Variants in KATNIP observed in about 807,000 individuals in gnomAD.
The protein encoded by KATNIP is katanin-interacting protein.
A neutral mutation model predicts 174.0 loss-of-function variants in KATNIP; 126 were observed. The observed-to-expected ratio is 0.72, with a 90% CI of 0.63 to 0.84. The LOEUF is 0.84. Among genes scored for constraint, KATNIP ranks in the 40% least tolerant of loss-of-function variants. The pLI, the probability that KATNIP is intolerant of heterozygous loss-of-function variation, is 0.00. For missense variants in KATNIP, 1,958 were observed against 2,109.7 expected (o/e 0.93, Z 1.41); for synonymous variants, 810 against 835.7 (o/e 0.97, Z 0.53).
In KATNIP at chr16:27,704,012, C is replaced by T; in HGVS notation, c.1389+14C>T. On this transcript the variant is annotated intron_variant, in intron 12 of 27. Transcript: ENST00000261588. ...TCAGACACAGAGGTGAGAGCCTTGA[C>T]TTGATTTTCAGTTGTACATTCAGGA... 6.2e-7 allele frequency: 1 copy of T among 1,603,258 alleles called. No homozygotes were observed. Among genetic ancestry groups the T allele is most frequent in the African/African-American group, 1.3e-5 (1 of 74,808 alleles).
intron 2 of KATNIP, among the ~76,000 whole-genome samples, chr16:27,589,070 ATTTT>A (rs755208446): frequency 7.9e-6 from 1 of 126,782 alleles, no homozygotes. Context: ...TAATTTTTGT[ATTTT>A]TTTTTTTTTT....
At chr16:27,679,224 A>G (rs527541950) in intron 7 of KATNIP, 11 of 152,372 alleles carry the variant, frequency 7.2e-5, no homozygotes, top group African/African-American at 2.6e-4. Context: ...GCCTGAGATC[A>G]AGAGTCAGTT....
intron 9 of KATNIP, 59 bp downstream of exon 9, chr16:27,698,559 G>A: frequency 6.7e-7 from 1 of 1,497,970 alleles, no homozygotes; most frequent in Non-Finnish European, 8.9e-7. Flanking sequence ...CAGTGTCTGA[G>A]CTGCAGTTGA....
chr16:27,561,385 C>G (rs1305136201), intron 1 of KATNIP, among the ~76,000 whole-genome samples: 1 of 152,118 alleles, frequency 6.6e-6, no homozygotes, highest in Non-Finnish European at 1.5e-5. Context: ...CATACTATTC[C>G]CGCTCCTAGC....
In KATNIP at chr16:27,777,492, C is replaced by T. The variant is rs2082539424; in HGVS notation, c.4552-118C>T. 6.4e-6 allele frequency: 6 copies of T among 937,534 alleles called. No individual in the cohort carries two copies. Among genetic ancestry groups the T allele is most frequent in the Non-Finnish European group, 9.4e-6 (6 of 640,194 alleles). 58.1% of individuals were successfully genotyped at this position (937,534 alleles called of 1,614,324 possible). A position where few individuals can be genotyped will look rare whatever the true frequency, so the allele number is the denominator to read the frequency against. On this transcript the variant is annotated intron_variant, in intron 25 of 27. Transcript: ENST00000261588. This position sits in a 1 kb window ranked among gnomAD's most constrained non-coding sequence, Gnocchi z 4.4. ...ACACAGCACACAGTAGGCGCTTGTTCCTGACAGCCCCGTCTTCCCGAGGAG... is the reference window on the plus strand; with the variant it reads ...ACACAGCACACAGTAGGCGCTTGTTTCTGACAGCCCCGTCTTCCCGAGGAG...
Position 27,708,848 on chromosome 16 carries a change from G to A in KATNIP, c.1533G>A (p.Ser511=), listed in dbSNP as rs533574674. Residue 511 remains serine, a synonymous_variant, in exon 13 of 28, where the codon TCG becomes TCA. Coordinates refer to ENST00000261588, the MANE Select transcript of KATNIP (RefSeq NM_015202.5). ...TGAATGACACAAAGCTTTATGTGTC[G>A]CCCCACGATGTGGATATCCGGAACA... is the stretch of plus-strand genomic sequence containing the variant. ...FDLNDTKLYV[S]PHDVDIRNTA... 2.5e-5 allele frequency: 41 copies of A among 1,613,984 alleles called. No individual in the cohort carries two copies. Among genetic ancestry groups the A allele is most frequent in the African/African-American group, 9.3e-5 (7 of 74,970 alleles).
At chr16:27,778,537 T>G (rs1383622060) in intron 27 of KATNIP, 37 bp from the exon 28 acceptor site, 12 of 1,606,772 alleles carry the variant, frequency 7.5e-6, no homozygotes, top group African/African-American at 1.3e-5. Context: ...GGTTTGAGAC[T>G]TAGTAACTCT....
At chr16:27,721,433 G>A in intron 13 of KATNIP, 125 bp from the exon 14 acceptor site, 5 of 1,135,038 alleles carry the variant, frequency 4.4e-6, no homozygotes, top group Non-Finnish European at 5.2e-6. Flanking sequence ...GGGGTGGCCT[G>A]GCTGTCTGCC....
chr16:27,716,397 C>T (rs949116368), intron 13 of KATNIP, among the ~76,000 whole-genome samples: 1 of 151,942 alleles, frequency 6.6e-6, no homozygotes, highest in Non-Finnish European at 1.5e-5. Flanking sequence ...GTTGAAAAAC[C>T]TTGTGAATAT....
intron 1 of KATNIP, among the ~76,000 whole-genome samples, chr16:27,570,151 G>C (rs779305740): frequency 5.8e-4 from 88 of 152,172 alleles, no homozygotes; most frequent in Non-Finnish European, 1.3e-4. Flanking sequence ...CGGTTAATAA[G>C]AGTGAGGTCT....
At chr16:27,646,566 C>T (rs188233579) in intron 5 of KATNIP, among the ~76,000 whole-genome samples, 1 of 152,310 alleles carries the variant, frequency 6.6e-6, no homozygotes, top group African/African-American at 2.4e-5. Context: ...AGCCTGGATG[C>T]TGGACTGATG....
At chr16:27,737,821 A>T (rs969094519) in intron 14 of KATNIP, among the ~76,000 whole-genome samples, 1 of 152,146 alleles carries the variant, frequency 6.6e-6, no homozygotes. Context: ...AATTTACTTT[A>T]GGAACCAGAC....
At chr16:27,648,868 G>C in intron 6 of KATNIP, 133 bp downstream of exon 6, 2 of 1,091,686 alleles carry the variant, frequency 1.8e-6, no homozygotes, top group Non-Finnish European at 2.6e-6. Context: ...CTTCACTCTT[G>C]CGTTCATTTC....
Position 27,698,308 on chromosome 16 carries a change from C to A in KATNIP, c.941-20C>A. On this transcript the variant is annotated intron_variant, in intron 8 of 27. Coordinates refer to ENST00000261588, the MANE Select transcript of KATNIP (RefSeq NM_015202.5). ...CGAGAATATAATCTAAAAGAACGTC[C>A]CCCTGTCTTCTGCCCTCAGGACCTG... is the stretch of plus-strand genomic sequence containing the variant. 1 of 1,595,076 alleles carries A rather than the reference C, an allele frequency of 6.3e-7. No individual in the cohort carries two copies. The highest frequency in any genetic ancestry group is 1.1e-5 in the South Asian group (1 of 88,700).
intron 6 of KATNIP, among the ~76,000 whole-genome samples, chr16:27,662,061 T>TATATATACACATAC (rs2077538168): frequency 3.1e-5 from 3 of 95,984 alleles, no homozygotes; most frequent in Non-Finnish European, 4.0e-5. Flanking sequence ...TATATATATA[T>TATATATACACATAC]ATATATATAT....
intron 6 of KATNIP, among the ~76,000 whole-genome samples, chr16:27,666,778 G>A (rs1486712251): frequency 2.0e-5 from 3 of 152,182 alleles, no homozygotes; most frequent in Non-Finnish European, 2.9e-5. Flanking sequence ...TGTAATCCCA[G>A]TACTTTGGGA....
chr16:27,699,898 A>AT (rs2079039624), intron 10 of KATNIP, among the ~76,000 whole-genome samples: 2 of 151,786 alleles, frequency 1.3e-5, no homozygotes, highest in Non-Finnish European at 1.5e-5. Flanking sequence ...CTATTTATTT[A>AT]TTTTTTTATT....
At chr16:27,729,676 A>G (rs2080584450) in intron 14 of KATNIP, among the ~76,000 whole-genome samples, 1 of 152,094 alleles carries the variant, frequency 6.6e-6, no homozygotes, top group African/African-American at 2.4e-5. Context: ...GCGAATGCAC[A>G]CTACTCCCAC....
intron 3 of KATNIP, among the ~76,000 whole-genome samples, chr16:27,619,190 C>T (rs2076126918): frequency 6.6e-6 from 1 of 152,156 alleles, no homozygotes; most frequent in Non-Finnish European, 1.5e-5. Flanking sequence ...GTGAGTGGAG[C>T]TGGCTCAGTG....
Sources: allele counts gnomAD v4.1 joint callset (sites outside exome capture counted in the v4.1 genomes callset), GRCh38; gene constraint gnomAD v4.1.1; non-coding constraint Gnocchi (gnomAD v3.1); transcripts MANE v1.5; gene names NCBI Gene and HGNC (gene_info 2026-07-23, HGNC 2026-07-21).